Variants in STS observed in about 807,000 individuals in gnomAD.
STS encodes the protein steryl-sulfatase.
STS carries 7 observed loss-of-function variants against 26.8 expected under a neutral mutation model. That is an observed-to-expected ratio of 0.26 (90% CI 0.15 to 0.49). STS has a LOEUF of 0.49. Ranked by LOEUF, STS falls within the 20% of genes least tolerant of loss-of-function variation. The pLI is 0.98. For missense variants in STS, 434 were observed against 465.6 expected (o/e 0.93, Z 0.63); for synonymous variants, 199 against 189.4 (o/e 1.05, Z -0.42).
intron 2 of STS, among the ~76,000 whole-genome samples, chrX:7,216,493 C>G (rs1229780421): frequency 8.9e-6 from 1 of 112,066 alleles, no homozygotes; most frequent in African/African-American, 3.2e-5. Flanking sequence ...CTCTCAAAGG[C>G]TAGGGGCAAA....
At chrX:7,209,967 A>G (rs1384034142) in intron 2 of STS, among the ~76,000 whole-genome samples, 1 of 111,232 alleles carries the variant, frequency 9.0e-6, no homozygotes, top group Non-Finnish European at 1.9e-5. Flanking sequence ...ATTCCTTTTT[A>G]TGGCTGTGTA....
intron 2 of STS, among the ~76,000 whole-genome samples, chrX:7,228,639 T>A (rs182882467): frequency 1.1e-3 from 124 of 112,186 alleles, no homozygotes; most frequent in African/African-American, 3.9e-3. Flanking sequence ...GTTATCAGTA[T>A]ATGGTTTGGA....
intron 2 of STS, among the ~76,000 whole-genome samples, chrX:7,217,144 C>G (rs1569192213): frequency 1.8e-5 from 2 of 111,326 alleles, no homozygotes. Flanking sequence ...TAGCAGGATT[C>G]TAGCATAAGG....
At chrX:7,232,920 C>A (rs1472805328) in intron 2 of STS, among the ~76,000 whole-genome samples, 20 of 110,521 alleles carry the variant, frequency 1.8e-4, no homozygotes, top group African/African-American at 6.3e-4. Context: ...GGCTTCCCCC[C>A]ACTTCGTTCT....
intron 1 of STS, among the ~76,000 whole-genome samples, chrX:7,151,964 A>AT (rs765073025): frequency 9.0e-6 from 1 of 110,651 alleles, no homozygotes. Context: ...TTATTCGTTT[A>AT]TTTTTTGAGA....
At chrX:7,170,946 C>G (rs900054493) in intron 1 of STS, among the ~76,000 whole-genome samples, 3 of 111,925 alleles carry the variant, frequency 2.7e-5, no homozygotes, top group Admixed American at 9.5e-5. Flanking sequence ...CACCATTGTA[C>G]TAGGGGATGC....
chrX:7,294,874 A>C (rs1022247758), intron 7 of STS, among the ~76,000 whole-genome samples: 1 of 111,635 alleles, frequency 9.0e-6, no homozygotes, highest in Non-Finnish European at 1.9e-5. Context: ...TGTTTGGACC[A>C]ATGGCCTCTG....
chrX:7,320,000 T>A (rs112707280), intron 8 of STS, among the ~76,000 whole-genome samples: 15 of 87,635 alleles, frequency 1.7e-4, no homozygotes, highest in Middle Eastern at 5.1e-3. Flanking sequence ...ATATATATAT[T>A]TTTATATATA....
intron 6 of STS, among the ~76,000 whole-genome samples, chrX:7,263,817 TTGTG>T (rs1309403350): frequency 6.6e-5 from 6 of 90,990 alleles, no homozygotes; most frequent in Admixed American, 1.2e-4. Context: ...GTGTGTGTGT[TTGTG>T]TATATATATG....
intron 10 of STS, among the ~76,000 whole-genome samples, chrX:7,338,586 G>T (rs1451874301): frequency 9.0e-6 from 1 of 111,591 alleles, no homozygotes; most frequent in Admixed American, 9.5e-5. Flanking sequence ...TATTTCCCTA[G>T]GAGAAGGATG....
At chrX:7,183,322 G>C (rs559771215) in intron 1 of STS, among the ~76,000 whole-genome samples, 2 of 111,703 alleles carry the variant, frequency 1.8e-5, no homozygotes, top group African/African-American at 6.5e-5. Context: ...ACCTCCCTCT[G>C]TCTGCTGCTG....
intron 2 of STS, chrX:7,219,708 C>T (rs1240290496): frequency 8.3e-7 from 1 of 1,209,549 alleles, no homozygotes. Flanking sequence ...TTCCCCTGGC[C>T]AGGCTGGGAG....
intron 2 of STS, among the ~76,000 whole-genome samples, chrX:7,226,369 T>A (rs769254225): frequency 8.9e-6 from 1 of 112,399 alleles, no homozygotes; most frequent in South Asian, 3.7e-4. Flanking sequence ...GTTAGATTGA[T>A]GTTCCAGAGT....
At chrX:7,236,724 A>T (rs1431780625) in intron 2 of STS, among the ~76,000 whole-genome samples, 1 of 112,398 alleles carries the variant, frequency 8.9e-6, no homozygotes, top group Non-Finnish European at 1.9e-5. Context: ...TTTTCCTGAT[A>T]AAGTATTTAA....
At position 7,349,316 on chromosome X, in the gene STS, CTTTTTTTTTTTTT is replaced by C. The variant is rs1178578773; in HGVS notation, c.1364-547_1364-535del. On this transcript the variant is annotated intron_variant, in intron 10 of 10. Transcript: ENST00000674429. The stretch of plus-strand genomic sequence containing the variant: ...GCTGCACTCGGCCCTCATTTAATTC[CTTTTTTTTTTTTT>C]TTTTTTTTTTTTTTTTTTTTTTTTG... 6.4e-3 allele frequency among the ~76,000 whole-genome samples: 337 copies of C among 52,814 alleles called. 4 individuals carry two copies. The highest frequency in any genetic ancestry group is 0.024 in the African/African-American group (321 of 13,571). 45.9% of individuals were successfully genotyped at this position (52,814 alleles called of 115,157 possible). A position where few individuals can be genotyped will look rare whatever the true frequency, so the allele number is the denominator to read the frequency against.
intron 2 of STS, among the ~76,000 whole-genome samples, chrX:7,205,262 G>A (rs1196736146): frequency 8.9e-6 from 1 of 112,512 alleles, no homozygotes; most frequent in African/African-American, 3.2e-5. Context: ...GTTTCATAGT[G>A]AGGAAGAGAA....
chrX:7,207,647 G>C (rs1415115279), intron 2 of STS, among the ~76,000 whole-genome samples: 1 of 112,153 alleles, frequency 8.9e-6, no homozygotes, highest in Admixed American at 9.5e-5. Context: ...GAAATTCAGA[G>C]TTCAAAGTAT....
intron 2 of STS, among the ~76,000 whole-genome samples, chrX:7,228,672 G>A (rs1453125969): frequency 1.8e-5 from 2 of 111,872 alleles, no homozygotes; most frequent in African/African-American, 6.5e-5. Flanking sequence ...CCTTCCATAG[G>A]TTGCCTTTTC....
intron 5 of STS, 136 bp from the exon 6 acceptor site, chrX:7,259,212 CT>C (rs1923596768): frequency 3.2e-6 from 2 of 629,376 alleles, no homozygotes; most frequent in Admixed American, 6.0e-5. Context: ...GTGAAAAATT[CT>C]AGGGTCCTAT....
Sources: allele counts gnomAD v4.1 joint callset (sites outside exome capture counted in the v4.1 genomes callset), GRCh38; gene constraint gnomAD v4.1.1; transcripts MANE v1.5; gene names NCBI Gene and HGNC (gene_info 2026-07-23, HGNC 2026-07-21).